The following RAPGEF1 variants were observed in gnomAD, a reference collection of about 807,000 sequenced individuals.
RAPGEF1 encodes Rap guanine nucleotide exchange factor 1.
A neutral mutation model predicts 143.3 loss-of-function variants in RAPGEF1; 33 were observed. That is an observed-to-expected ratio of 0.23 (90% CI 0.17 to 0.31). RAPGEF1 has a LOEUF of 0.31. RAPGEF1 is among the 10% of genes least tolerant of loss of function. RAPGEF1 has a pLI of 1.00. For missense variants in RAPGEF1, 1,199 were observed against 1,645.4 expected, an observed-to-expected ratio of 0.73 and a Z score of 4.69; for synonymous variants, 629 against 676.5, an observed-to-expected ratio of 0.93 and a Z score of 1.09.
At chr9:131,709,077 G>A (rs572238474) in intron 1 of RAPGEF1, among the ~76,000 whole-genome samples, 48 of 152,228 alleles carry the variant, frequency 3.2e-4, no homozygotes, top group African/African-American at 1.1e-3. Context: ...AGCCAGGCGC[G>A]GTGGCTCACA....
intron 9 of RAPGEF1, 133 bp from the exon 10 acceptor site, chr9:131,626,555 A>G: frequency 2.4e-6 from 2 of 820,870 alleles, no homozygotes; most frequent in Non-Finnish European, 3.6e-6. Flanking sequence ...CTTATTTTAT[A>G]TTCACATGTT....
At chr9:131,676,352 G>A (rs1239791314) in intron 1 of RAPGEF1, among the ~76,000 whole-genome samples, 1 of 152,202 alleles carries the variant, frequency 6.6e-6, no homozygotes, top group African/African-American at 2.4e-5. Context: ...ATGGGACATG[G>A]GAATCACCTG....
chr9:131,678,987 C>A (rs1338204497), intron 1 of RAPGEF1, among the ~76,000 whole-genome samples: 2 of 152,030 alleles, frequency 1.3e-5, no homozygotes, highest in African/African-American at 2.4e-5. Flanking sequence ...ACAAAACAGG[C>A]CAGCAGGAGC....
chr9:131,595,718 C>A (rs1955154984), intron 17 of RAPGEF1, among the ~76,000 whole-genome samples: 1 of 151,916 alleles, frequency 6.6e-6, no homozygotes, highest in Non-Finnish European at 1.5e-5. Context: ...GTCCACCCAA[C>A]AAGACGTTTT....
Position 131,579,333 on chromosome 9 carries a change from G to T in RAPGEF1, c.*164C>A. Reference sequence around the variant, plus strand: ...CCCACAGAGGAAGGAGGCAGGAAGCGGCTGGCAGGCTCCAGCTCCCGCCCG... The same window carrying T: ...CCCACAGAGGAAGGAGGCAGGAAGCTGCTGGCAGGCTCCAGCTCCCGCCCG... On this transcript the variant is annotated 3_prime_UTR_variant, in exon 27 of 27. Transcript: ENST00000683357. The T allele has an allele frequency of 1.1e-6, 1 of 948,318 alleles. No homozygotes were observed. The highest frequency in any genetic ancestry group is 1.6e-6 in the Non-Finnish European group (1 of 635,616). 58.7% of individuals were successfully genotyped at this position (948,318 alleles called of 1,614,324 possible). A position where few individuals can be genotyped will look rare whatever the true frequency, so the allele number is the denominator to read the frequency against.
intron 12 of RAPGEF1, among the ~76,000 whole-genome samples, chr9:131,615,077 GTT>G (rs1009910900): frequency 6.6e-6 from 1 of 152,164 alleles, no homozygotes; most frequent in Non-Finnish European, 1.5e-5. Flanking sequence ...GGAGGAAGGT[GTT>G]TTTTCTTTTT....
intron 10 of RAPGEF1, among the ~76,000 whole-genome samples, chr9:131,623,117 G>A (rs900890578): frequency 2.6e-5 from 4 of 152,144 alleles, no homozygotes; most frequent in South Asian, 2.1e-4. Context: ...GGCTCCAGAC[G>A]AAGAGGCAAG....
intron 1 of RAPGEF1, among the ~76,000 whole-genome samples, chr9:131,730,941 C>T (rs1285857076): frequency 6.6e-6 from 1 of 152,050 alleles, no homozygotes; most frequent in Non-Finnish European, 1.5e-5. Context: ...AGTGCAGCAG[C>T]TGCCTCTGTG....
At chr9:131,665,358 C>T (rs531933215) in intron 1 of RAPGEF1, among the ~76,000 whole-genome samples, 1 of 152,252 alleles carries the variant, frequency 6.6e-6, no homozygotes, top group East Asian at 1.9e-4. Flanking sequence ...AATCCTTCGG[C>T]AAATCCTGTG....
intron 25 of RAPGEF1, 55 bp from the exon 26 acceptor site, chr9:131,580,446 G>A (rs910525779): frequency 6.3e-7 from 1 of 1,580,854 alleles, no homozygotes. Flanking sequence ...AAGCAGCAAG[G>A]GCTAGAGACA....
At chr9:131,681,933 G>A (rs1832945550) in intron 1 of RAPGEF1, among the ~76,000 whole-genome samples, 2 of 152,176 alleles carry the variant, frequency 1.3e-5, no homozygotes, top group African/African-American at 2.4e-5. Flanking sequence ...TCAGGATATA[G>A]TGTTGCAGTT....
intron 3 of RAPGEF1, among the ~76,000 whole-genome samples, chr9:131,647,071 C>A (rs1588729392): frequency 6.6e-6 from 1 of 152,192 alleles, no homozygotes; most frequent in East Asian, 1.9e-4. Context: ...GTAATTATAC[C>A]TTTGGACACC....
intron 1 of RAPGEF1, among the ~76,000 whole-genome samples, chr9:131,718,335 G>C (rs148427904): frequency 6.6e-6 from 1 of 152,312 alleles, no homozygotes; most frequent in South Asian, 2.1e-4. Context: ...CGAGGACCTC[G>C]GATCGCTTCA....
intron 5 of RAPGEF1, among the ~76,000 whole-genome samples, chr9:131,630,659 G>T (rs1190145276): frequency 1.3e-5 from 2 of 152,168 alleles, no homozygotes; most frequent in Admixed American, 6.5e-5. Flanking sequence ...CAGTCAGTTT[G>T]TTGGGGAATA....
chr9:131,707,336 T>A (rs1835147171), intron 1 of RAPGEF1, among the ~76,000 whole-genome samples: 1 of 152,254 alleles, frequency 6.6e-6, no homozygotes, highest in Non-Finnish European at 1.5e-5. Context: ...ACAAACCTCA[T>A]ATATCGATGA....
chr9:131,642,880 T>C lies in RAPGEF1; in HGVS notation c.494+359A>G, dbSNP rs184269748. On this transcript the variant is annotated intron_variant, in intron 4 of 26. Coordinates refer to ENST00000683357, the MANE Select transcript of RAPGEF1 (RefSeq NM_001377935.1). ...ACAGTAGCTTCCACCTGACAGATAA[T>C]GAAACTCAAAAAGTTTCATTCAAAA... Among the ~76,000 whole-genome samples, 6 of 152,294 alleles carry C rather than the reference T, an allele frequency of 3.9e-5. No individual in the cohort carries two copies. In the East Asian group the frequency reaches 9.6e-4, roughly 24 times the overall value.
intron 22 of RAPGEF1, among the ~76,000 whole-genome samples, chr9:131,586,209 C>T (rs1208371389): frequency 4.9e-5 from 7 of 143,906 alleles, no homozygotes; most frequent in Non-Finnish European, 7.5e-5. Flanking sequence ...CACACACACA[C>T]GCACGCACAC....
intron 1 of RAPGEF1, among the ~76,000 whole-genome samples, chr9:131,690,290 C>G (rs1833689307): frequency 1.3e-5 from 2 of 152,076 alleles, no homozygotes; most frequent in Admixed American, 1.3e-4. Context: ...GTAATTTTTT[C>G]TTTCTACAGT....
intron 1 of RAPGEF1, among the ~76,000 whole-genome samples, chr9:131,662,386 C>A (rs1974367624): frequency 6.6e-6 from 1 of 152,076 alleles, no homozygotes; most frequent in African/African-American, 2.4e-5. Flanking sequence ...TTTCCCCCAA[C>A]ATTTTATTTT....
Sources: allele counts gnomAD v4.1 joint callset (sites outside exome capture counted in the v4.1 genomes callset), GRCh38; gene constraint gnomAD v4.1.1; transcripts MANE v1.5; gene names NCBI Gene and HGNC (gene_info 2026-07-23, HGNC 2026-07-21).